ANK3: variants seen among roughly 807,000 people sequenced by gnomAD.
The protein encoded by ANK3 is ankyrin-3.
ANK3 carries 57 observed loss-of-function variants against 370.9 expected under a neutral mutation model. The ratio of observed to expected loss-of-function variants is 0.15; its 90% CI spans 0.12 to 0.19. The LOEUF (loss-of-function observed/expected upper bound fraction) is 0.19. Ranked by LOEUF, ANK3 falls within the 10% of genes least tolerant of loss-of-function variation. The probability of loss-of-function intolerance (pLI) is 1.00; values close to 1 mark genes in which losing one functional copy is unlikely to be tolerated. For missense variants in ANK3, 4,439 were observed against 5,302.1 expected, an observed-to-expected ratio of 0.84 and a Z score of 5.06; for synonymous variants, 1,929 against 1,946.3, an observed-to-expected ratio of 0.99 and a Z score of 0.23.
At chr10:60,374,807 T>C (rs2132802596) in intron 1 of ANK3, among the ~76,000 whole-genome samples, 1 of 152,326 alleles carries the variant, frequency 6.6e-6, no homozygotes, top group South Asian at 2.1e-4. Context: ...GATTCGTTGG[T>C]ACTTTTGGTA....
At chr10:60,545,094 G>A (rs10994412) in intron 2 of ANK3, among the ~76,000 whole-genome samples, 1 of 1,622 alleles carries the variant, frequency 6.2e-4, no homozygotes, top group South Asian at 0.036. Flanking sequence ...CCATAAAATA[G>A]TAAATCCAAG....
At chr10:60,596,098 G>T (rs566920327) in intron 2 of ANK3, among the ~76,000 whole-genome samples, 1 of 152,242 alleles carries the variant, frequency 6.6e-6, no homozygotes, top group Admixed American at 6.5e-5. Flanking sequence ...GTGAGGAAAA[G>T]AAGAGAAATT....
intron 1 of ANK3, among the ~76,000 whole-genome samples, chr10:60,645,650 A>G (rs1034802347): frequency 6.6e-6 from 1 of 152,074 alleles, no homozygotes; most frequent in Non-Finnish European, 1.5e-5. Context: ...GCTTAAACCC[A>G]GGAGGTGGAG....
chr10:60,213,809 T>C (rs2096893240), intron 8 of ANK3, among the ~76,000 whole-genome samples: 1 of 152,176 alleles, frequency 6.6e-6, no homozygotes, highest in African/African-American at 2.4e-5. Context: ...AGTAATTTGA[T>C]GCTCACCATT....
intron 2 of ANK3, among the ~76,000 whole-genome samples, chr10:60,444,547 C>G (rs1446156473): frequency 6.6e-6 from 1 of 151,894 alleles, no homozygotes. Flanking sequence ...TCCATTCACC[C>G]ACTTTTCTGC....
intron 1 of ANK3, among the ~76,000 whole-genome samples, chr10:60,692,326 C>T (rs1207447932): frequency 6.6e-6 from 1 of 152,174 alleles, no homozygotes; most frequent in Non-Finnish European, 1.5e-5. Flanking sequence ...ACCAACGTAG[C>T]CCAAGGTGTT....
intron 28 of ANK3, among the ~76,000 whole-genome samples, chr10:60,099,600 T>A (rs1404610028): frequency 6.6e-6 from 1 of 152,222 alleles, no homozygotes; most frequent in Non-Finnish European, 1.5e-5. Flanking sequence ...TTGTTTACTT[T>A]TCCATTTGTG....
Position 60,340,146 on chromosome 10 carries a change from G to A in ANK3, c.114+49279C>T, listed in dbSNP as rs746792471. Among the ~76,000 whole-genome samples, 52 of 151,980 alleles carry A rather than the reference G, an allele frequency of 3.4e-4. 1 individual carries two copies. Among genetic ancestry groups the A allele is most frequent in the Non-Finnish European group, 3.8e-4 (26 of 67,988 alleles). On this transcript the variant is annotated intron_variant, in intron 1 of 43. Transcript: ENST00000280772. ...GTTGCCCAGGCTAGGGTGCTCTGTT[G>A]CCTAGGCAGAACCTCTGAGGGTGAG... is the stretch of plus-strand genomic sequence containing the variant.
chr10:60,498,206 G>A (rs995965686), intron 2 of ANK3, among the ~76,000 whole-genome samples: 1 of 151,972 alleles, frequency 6.6e-6, no homozygotes, highest in African/African-American at 2.4e-5. Context: ...ACATTCTCTT[G>A]ATCTTTTATA....
intron 2 of ANK3, among the ~76,000 whole-genome samples, chr10:60,410,254 C>A (rs552767007): frequency 6.6e-6 from 1 of 151,884 alleles, no homozygotes; most frequent in East Asian, 1.9e-4. Context: ...CATAGTGGGA[C>A]CCCACCTCTT....
chr10:60,255,009 A>T (rs2097715518), intron 7 of ANK3, among the ~76,000 whole-genome samples: 1 of 152,236 alleles, frequency 6.6e-6, no homozygotes, highest in African/African-American at 2.4e-5. Context: ...TGGGGAATTC[A>T]AAATCTGCAT....
At chr10:60,332,659 A>G (rs1323805218) in intron 1 of ANK3, among the ~76,000 whole-genome samples, 1 of 152,160 alleles carries the variant, frequency 6.6e-6, no homozygotes, top group Non-Finnish European at 1.5e-5. Context: ...GAAAAGGAAC[A>G]CAACAGATAT....
chr10:60,272,906 C>A (rs2098022637), intron 4 of ANK3, among the ~76,000 whole-genome samples: 1 of 152,136 alleles, frequency 6.6e-6, no homozygotes, highest in Non-Finnish European at 1.5e-5. Flanking sequence ...CCCAAGATTG[C>A]CTAAGAAACA....
In ANK3 at chr10:60,071,250, C is replaced by T. The variant is rs2082636643; in HGVS notation, c.9631G>A (p.Glu3211Lys). ...TTAAGGGAGGTTGACTTGGCCTGTT[C>T]CTCCTCCTCTGACTCCTCAGAAACC... ...PEVSEESEEE[E>K]QAKSTSLKQT... is the part of the protein sequence containing the mutation. Residue 3211 changes from glutamate to lysine, a missense_variant, in exon 37 of 44, where the codon GAA becomes AAA. Physicochemically the swap from Glu to Lys is moderately conservative, Grantham distance 56 (BLOSUM62 1). Around this residue, in one of 13 missense-constraint regions of ANK3, gnomAD observed 1,601 missense variants for 1,731.7 expected, o/e 0.92. Transcript: ENST00000280772. The T allele has an allele frequency of 1.9e-6, 3 of 1,614,116 alleles. No homozygotes were observed. The Admixed American group carries it at 5.0e-5, about 27-fold the overall frequency.
intron 2 of ANK3, among the ~76,000 whole-genome samples, chr10:60,441,909 T>G (rs1217600535): frequency 2.0e-5 from 3 of 152,090 alleles, no homozygotes. Context: ...TATTTTTCAC[T>G]CAGCAGAATT....
At chr10:60,102,037 G>T (rs567500861) in intron 28 of ANK3, among the ~76,000 whole-genome samples, 1 of 151,676 alleles carries the variant, frequency 6.6e-6, no homozygotes, top group Non-Finnish European at 1.5e-5. Flanking sequence ...CTGTTTCCGG[G>T]TGGTGGCGAT....
rs1232907692 is a variant in ANK3, at chr10:60,205,864, G to A, written c.1221C>T (p.Ala407=). ...ALNGFTPLHI[A]CKKNRIKVME... is the part of the protein sequence containing the mutation. ...TTACTTTAATTCGATTCTTCTTGCA[G>A]GCAATATGAAGAGGGGTAAAGCCAT... Residue 407 remains alanine, a synonymous_variant, in exon 11 of 44, where the codon GCC becomes GCT. Transcript: ENST00000280772. 11 of 1,613,586 alleles carry A rather than the reference G, an allele frequency of 6.8e-6. No individual in the cohort carries two copies. The highest frequency in any genetic ancestry group is 2.7e-5 in the African/African-American group (2 of 74,888).
intron 17 of ANK3, among the ~76,000 whole-genome samples, chr10:60,183,772 C>G (rs577908156): frequency 1.3e-5 from 2 of 151,580 alleles, no homozygotes. Flanking sequence ...GCAGAAGAAT[C>G]GCTTACACCC....
upstream of ANK3, among the ~76,000 whole-genome samples, chr10:60,390,253 G>A (rs2062980171): frequency 6.6e-6 from 1 of 152,110 alleles, no homozygotes; most frequent in South Asian, 2.1e-4. Context: ...GCATTTTGTG[G>A]GGAGGACTAC....
Sources: gnomAD v4.1 joint callset for allele counts (sites outside exome capture counted in the v4.1 genomes callset) on GRCh38, gnomAD v4.1.1 for gene constraint, gnomAD v4.1.1 regional missense constraint, MANE v1.5 for transcripts, NCBI Gene and HGNC (gene_info 2026-07-23, HGNC 2026-07-21) for gene names.